CNTNAP4: variants seen among roughly 807,000 people sequenced by gnomAD.
CNTNAP4 encodes the protein contactin associated protein family member 4, also known as contactin-associated protein-like 4.
Under a neutral mutation model 148.4 loss-of-function variants are expected in CNTNAP4, and 98 were observed. The observed-to-expected ratio is 0.66, with a 90% CI of 0.56 to 0.78. The LOEUF (loss-of-function observed/expected upper bound fraction) is 0.78. Among genes scored for constraint, CNTNAP4 ranks in the 30% least tolerant of loss-of-function variants. The pLI, the probability that CNTNAP4 is intolerant of heterozygous loss-of-function variation, is 0.00. For synonymous variants in CNTNAP4, 730 were observed against 565.1 expected, an observed-to-expected ratio of 1.29 and a Z score of -4.14; for missense variants, 1,935 against 1,565.6, an observed-to-expected ratio of 1.24 and a Z score of -3.98.
At chr16:76,419,514 A>C (rs1373881221) in intron 3 of CNTNAP4, among the ~76,000 whole-genome samples, 10 of 152,098 alleles carry the variant, frequency 6.6e-5, no homozygotes, top group Middle Eastern at 3.4e-3. Flanking sequence ...TCTCACTCTC[A>C]TGCTAGTCTA....
intron 3 of CNTNAP4, among the ~76,000 whole-genome samples, chr16:76,392,579 G>A (rs1182202303): frequency 2.6e-5 from 4 of 152,098 alleles, no homozygotes; most frequent in African/African-American, 7.2e-5. Context: ...AGGGAAATAT[G>A]TCCCCTCACC....
At chr16:76,425,278 G>T (rs1485494839) in intron 3 of CNTNAP4, among the ~76,000 whole-genome samples, 2 of 152,158 alleles carry the variant, frequency 1.3e-5, no homozygotes, top group Admixed American at 1.3e-4. Flanking sequence ...CCCTGCCATG[G>T]GTTGATACAT....
chr16:76,342,872 G>A (rs930085319), intron 2 of CNTNAP4, among the ~76,000 whole-genome samples: 13 of 152,094 alleles, frequency 8.5e-5, no homozygotes, highest in African/African-American at 3.1e-4. Context: ...CAACTGCAAC[G>A]TAATTCATGC....
intron 8 of CNTNAP4, among the ~76,000 whole-genome samples, chr16:76,460,921 G>A (rs938208702): frequency 2.0e-5 from 3 of 151,012 alleles, no homozygotes; most frequent in Admixed American, 6.6e-5. Context: ...TACAGAGTTA[G>A]GTTCCTGGGA....
intron 4 of CNTNAP4, among the ~76,000 whole-genome samples, chr16:76,440,442 T>G (rs987241288): frequency 1.3e-5 from 2 of 152,162 alleles, no homozygotes; most frequent in Admixed American, 1.3e-4. Context: ...GAAAACATCT[T>G]CAAGGGACAA....
chr16:76,398,708 G>A (rs956782430), intron 3 of CNTNAP4, among the ~76,000 whole-genome samples: 1 of 152,072 alleles, frequency 6.6e-6, no homozygotes, highest in Non-Finnish European at 1.5e-5. Context: ...CCACATTTGT[G>A]CCAACACATG....
intron 2 of CNTNAP4, among the ~76,000 whole-genome samples, chr16:76,345,856 CAGAA>C (rs944826971): frequency 1.6e-4 from 24 of 152,242 alleles, no homozygotes; most frequent in African/African-American, 5.8e-4. Flanking sequence ...AGCTTAAAGT[CAGAA>C]AGAAACTTGT....
chr16:76,365,469 G>A (rs1467849757), intron 3 of CNTNAP4, among the ~76,000 whole-genome samples: 1 of 152,066 alleles, frequency 6.6e-6, no homozygotes, highest in African/African-American at 2.4e-5. Context: ...TAAAAACTCT[G>A]GCCAGGCGTT....
At chr16:76,282,366 G>T (rs1958720503) in intron 1 of CNTNAP4, among the ~76,000 whole-genome samples, 1 of 151,868 alleles carries the variant, frequency 6.6e-6, no homozygotes, top group African/African-American at 2.4e-5. Context: ...TAAGTTCAAT[G>T]AAGTATATAA....
At chr16:76,549,741 T>C (rs1284024037) in intron 21 of CNTNAP4, among the ~76,000 whole-genome samples, 2 of 152,094 alleles carry the variant, frequency 1.3e-5, no homozygotes, top group South Asian at 4.2e-4. Context: ...ATCTGGAAGA[T>C]CAAGTGAATG....
intron 15 of CNTNAP4, among the ~76,000 whole-genome samples, chr16:76,507,645 G>A (rs73618196): frequency 0.072 from 7,037 of 97,390 alleles, 1,430 homozygotes; most frequent in African/African-American, 0.17. Context: ...TCAAAGGTTG[G>A]GTATGAAGTG....
intron 2 of CNTNAP4, among the ~76,000 whole-genome samples, chr16:76,320,170 GA>G (rs779252177): frequency 9.2e-5 from 14 of 152,176 alleles, no homozygotes; most frequent in Non-Finnish European, 1.6e-4. Context: ...ACATAGGAGG[GA>G]AAGCAATCCT....
At chr16:76,326,542 C>G (rs1428342514) in intron 2 of CNTNAP4, among the ~76,000 whole-genome samples, 1 of 152,088 alleles carries the variant, frequency 6.6e-6, no homozygotes, top group Non-Finnish European at 1.5e-5. Context: ...AGACTTGGAA[C>G]CAATCCAAAT....
intron 15 of CNTNAP4, among the ~76,000 whole-genome samples, chr16:76,504,176 C>T (rs528138700): frequency 6.6e-6 from 1 of 151,872 alleles, no homozygotes; most frequent in East Asian, 1.9e-4. Flanking sequence ...GTTTGAGATA[C>T]ACTACTAGAT....
At chr16:76,487,792 CGTT>C (rs1568369058) in intron 12 of CNTNAP4, among the ~76,000 whole-genome samples, 4 of 152,224 alleles carry the variant, frequency 2.6e-5, no homozygotes, top group Middle Eastern at 3.4e-3. Flanking sequence ...CAAAAGGAAA[CGTT>C]GTTATGAGCT....
intron 1 of CNTNAP4, among the ~76,000 whole-genome samples, chr16:76,292,700 C>G (rs772576291): frequency 1.4e-5 from 2 of 146,828 alleles, no homozygotes; most frequent in Non-Finnish European, 2.9e-5. Context: ...TCTTCCTTAT[C>G]AAAAATATTT....
At chr16:76,430,911 T>C (rs1012511749) in intron 4 of CNTNAP4, among the ~76,000 whole-genome samples, 1 of 152,188 alleles carries the variant, frequency 6.6e-6, no homozygotes, top group Non-Finnish European at 1.5e-5. Context: ...GAATCATACA[T>C]GTATTGAGCC....
At chr16:76,430,535 G>A (rs1368593938) in intron 4 of CNTNAP4, among the ~76,000 whole-genome samples, 2 of 152,274 alleles carry the variant, frequency 1.3e-5, no homozygotes, top group South Asian at 4.1e-4. Context: ...CCTATTAAAA[G>A]GAAAAGTGGT....
At chr16:76,444,284 T>C (rs879859569) in intron 4 of CNTNAP4, among the ~76,000 whole-genome samples, 2 of 152,182 alleles carry the variant, frequency 1.3e-5, no homozygotes, top group Non-Finnish European at 2.9e-5. Context: ...TTATAGAATC[T>C]GGCCTTAATT....
Sources: allele counts gnomAD v4.1 joint callset (sites outside exome capture counted in the v4.1 genomes callset), GRCh38; gene constraint gnomAD v4.1.1; transcripts MANE v1.5; gene names NCBI Gene and HGNC (gene_info 2026-07-23, HGNC 2026-07-21).